CTNND2: variants seen among roughly 807,000 people sequenced by gnomAD.
CTNND2 encodes the protein catenin delta-2.
A neutral mutation model predicts 144.4 loss-of-function variants in CTNND2; 22 were observed. The observed-to-expected ratio is 0.15, with a 90% CI of 0.11 to 0.22. The LOEUF is 0.22. CTNND2 is among the 10% of genes least tolerant of loss of function. The pLI, the probability that CTNND2 is intolerant of heterozygous loss-of-function variation, is 1.00. For missense variants in CTNND2, 1,353 were observed against 1,618.8 expected (o/e 0.84, Z 2.82); for synonymous variants, 751 against 695.6 (o/e 1.08, Z -1.25).
At chr5:11,613,179 G>A (rs1437853169) in intron 2 of CTNND2, among the ~76,000 whole-genome samples, 1 of 152,008 alleles carries the variant, frequency 6.6e-6, no homozygotes, top group Non-Finnish European at 1.5e-5. Context: ...TTGCTTTGGG[G>A]TTTTTATTTT....
At chr5:11,846,172 C>G (rs912834826) in intron 1 of CTNND2, among the ~76,000 whole-genome samples, 8 of 152,160 alleles carry the variant, frequency 5.3e-5, no homozygotes, top group African/African-American at 1.9e-4. Flanking sequence ...TCTATTTGGA[C>G]AATTTTGTCA....
intron 1 of CTNND2, among the ~76,000 whole-genome samples, chr5:11,852,797 T>G (rs781150295): frequency 6.6e-5 from 10 of 152,142 alleles, no homozygotes; most frequent in Non-Finnish European, 1.3e-4. Flanking sequence ...GAAGACCCAA[T>G]TAATTATTCA....
chr5:11,195,229 T>A (rs1269835996), intron 11 of CTNND2, among the ~76,000 whole-genome samples: 1 of 152,214 alleles, frequency 6.6e-6, no homozygotes, highest in Admixed American at 6.5e-5. Context: ...AGGTTAAAAT[T>A]AAATTATAGA....
chr5:11,390,349 A>G (rs1759524988), intron 6 of CTNND2, among the ~76,000 whole-genome samples: 1 of 152,144 alleles, frequency 6.6e-6, no homozygotes, highest in Non-Finnish European at 1.5e-5. Context: ...TGAATCTTCT[A>G]TGGAGGGAGT....
intron 8 of CTNND2, 78 bp from the exon 9 acceptor site, chr5:11,346,705 C>G: frequency 7.6e-7 from 1 of 1,319,894 alleles, no homozygotes; most frequent in Non-Finnish European, 9.8e-7. Flanking sequence ...TAGGCAGGGG[C>G]AGGGGAAGTT....
intron 2 of CTNND2, among the ~76,000 whole-genome samples, chr5:11,637,576 C>G (rs955646542): frequency 6.6e-6 from 1 of 151,988 alleles, no homozygotes; most frequent in East Asian, 1.9e-4. Flanking sequence ...ACAATGCCAG[C>G]GAAAATTAGA....
At chr5:11,624,581 T>A (rs1781053054) in intron 2 of CTNND2, among the ~76,000 whole-genome samples, 1 of 152,206 alleles carries the variant, frequency 6.6e-6, no homozygotes, top group East Asian at 1.9e-4. Flanking sequence ...TAAACAGATG[T>A]AATTTCAAGT....
intron 3 of CTNND2, among the ~76,000 whole-genome samples, chr5:11,539,866 T>C (rs1774568745): frequency 3.3e-5 from 5 of 152,122 alleles, no homozygotes; most frequent in Admixed American, 2.0e-4. Context: ...AAACCCCGTC[T>C]CTGCTAAATA....
intron 3 of CTNND2, among the ~76,000 whole-genome samples, chr5:11,543,634 GT>G (rs10556638): frequency 0.46 from 68,104 of 148,800 alleles, 15,607 homozygotes; most frequent in Middle Eastern, 0.57. Flanking sequence ...CAGTAACGCT[GT>G]TTTTTTTTTT....
intron 2 of CTNND2, among the ~76,000 whole-genome samples, chr5:11,702,558 C>G (rs1785498620): frequency 1.3e-5 from 2 of 152,154 alleles, no homozygotes; most frequent in African/African-American, 4.8e-5. Context: ...TTACTACTGT[C>G]CCTCTTATCT....
chr5:11,665,406 T>C (rs1365039451), intron 2 of CTNND2, among the ~76,000 whole-genome samples: 2 of 152,190 alleles, frequency 1.3e-5, no homozygotes, highest in African/African-American at 4.8e-5. Context: ...CTTTACCATA[T>C]AGCAAGATAG....
At chr5:11,222,906 C>T (rs1391504443) in intron 10 of CTNND2, among the ~76,000 whole-genome samples, 1 of 152,190 alleles carries the variant, frequency 6.6e-6, no homozygotes, top group African/African-American at 2.4e-5. Flanking sequence ...ACGTGAGCTC[C>T]AGCCCCCTGG....
chr5:11,203,528 C>T lies in CTNND2; in HGVS notation c.1762-3867G>A, dbSNP rs547874356. 7.2e-5 allele frequency among the ~76,000 whole-genome samples: 11 copies of T among 152,232 alleles called. No individual in the cohort carries two copies. The South Asian group carries it at 1.0e-3, about 14-fold the overall frequency. Reference sequence around the variant, plus strand: ...CGCGATCTTGGCTCACTGCAACCTCCGCCTCCAGGGTTCAAGCGATTCGCT... The same window carrying T: ...CGCGATCTTGGCTCACTGCAACCTCTGCCTCCAGGGTTCAAGCGATTCGCT... On this transcript the variant is annotated intron_variant, in intron 10 of 21. Coordinates refer to ENST00000304623, the MANE Select transcript of CTNND2 (RefSeq NM_001332.4).
chr5:11,783,948 G>C (rs1790694473), intron 1 of CTNND2, among the ~76,000 whole-genome samples: 1 of 152,198 alleles, frequency 6.6e-6, no homozygotes, highest in South Asian at 2.1e-4. Context: ...AAAGTGAGAA[G>C]AGTCAGGGAG....
intron 1 of CTNND2, among the ~76,000 whole-genome samples, chr5:11,831,861 A>G (rs898253296): frequency 1.3e-5 from 2 of 152,188 alleles, no homozygotes; most frequent in Admixed American, 6.5e-5. Flanking sequence ...CAAGTTAATC[A>G]TAGATCTAAT....
In CTNND2 at chr5:11,594,171, T is replaced by C. The variant is rs553193890; in HGVS notation, c.175-29115A>G. ...AGAAATGCTCAGTCACTAGAATGAATATAGTATAGTACACGTACACAGTGA... is the reference window on the plus strand; with the variant it reads ...AGAAATGCTCAGTCACTAGAATGAACATAGTATAGTACACGTACACAGTGA... On this transcript the variant is annotated intron_variant, in intron 2 of 21. Transcript: ENST00000304623. Among the ~76,000 whole-genome samples the C allele has an allele frequency of 7.1e-4, 108 of 152,336 alleles. 1 individual carries two copies. The highest frequency in any genetic ancestry group is 2.7e-3 in the Admixed American group (42 of 15,294).
intron 1 of CTNND2, among the ~76,000 whole-genome samples, chr5:11,752,598 G>C (rs572355542): frequency 4.2e-4 from 63 of 150,320 alleles, no homozygotes; most frequent in African/African-American, 1.5e-3. Flanking sequence ...TAGGCTTATA[G>C]TATAGTTTAA....
chr5:11,381,828 G>C (rs900619068), intron 7 of CTNND2, among the ~76,000 whole-genome samples: 4 of 152,124 alleles, frequency 2.6e-5, no homozygotes, highest in Non-Finnish European at 5.9e-5. Flanking sequence ...TTAGCCAGGC[G>C]TGGTGGCGGG....
intron 1 of CTNND2, among the ~76,000 whole-genome samples, chr5:11,741,538 G>C (rs1788006064): frequency 6.6e-6 from 1 of 151,822 alleles, no homozygotes; most frequent in African/African-American, 2.4e-5. Flanking sequence ...TGGACACAGG[G>C]CTGGGAACAT....
Sources: gnomAD v4.1 joint callset for allele counts (sites outside exome capture counted in the v4.1 genomes callset) on GRCh38, gnomAD v4.1.1 for gene constraint, MANE v1.5 for transcripts, NCBI Gene and HGNC (gene_info 2026-07-23, HGNC 2026-07-21) for gene names.